KAZN: variants seen among roughly 807,000 people sequenced by gnomAD.
KAZN encodes the protein kazrin.
Under a neutral mutation model 87.4 loss-of-function variants are expected in KAZN, and 40 were observed. The ratio of observed to expected loss-of-function variants is 0.46; its 90% CI spans 0.36 to 0.60. The LOEUF is 0.60. Among genes scored for constraint, KAZN ranks in the 20% least tolerant of loss-of-function variants. The pLI, the probability that KAZN is intolerant of heterozygous loss-of-function variation, is 0.00. For missense variants in KAZN, 898 were observed against 1,073.9 expected (o/e 0.84, Z 2.29); for synonymous variants, 466 against 458.3 (o/e 1.02, Z -0.22).
intron 1 of KAZN, among the ~76,000 whole-genome samples, chr1:13,912,490 A>G (rs1639688905): frequency 6.6e-6 from 1 of 152,238 alleles, no homozygotes; most frequent in South Asian, 2.1e-4. Flanking sequence ...CTAAAGGAAG[A>G]GGCTGAGACC....
At chr1:15,103,169 A>AGGCAGGAGAATTGCTTGAACCTGG (rs1641142845) in intron 11 of KAZN, among the ~76,000 whole-genome samples, 190 bp from the exon 12 acceptor site, 1 of 152,214 alleles carries the variant, frequency 6.6e-6, no homozygotes, top group African/African-American at 2.4e-5. Context: ...CGGGAAGCTG[A>AGGCAGGAGAATTGCTTGAACCTGG]GGCAGGAGAA....
At chr1:14,074,020 C>T (rs944698722) in intron 1 of KAZN, among the ~76,000 whole-genome samples, 11 of 152,230 alleles carry the variant, frequency 7.2e-5, no homozygotes, top group East Asian at 1.9e-4. Flanking sequence ...TGGTCCAGTC[C>T]GGCCCTCAGG....
chr1:14,418,896 C>T (rs1185384983), intron 2 of KAZN, among the ~76,000 whole-genome samples: 1 of 152,222 alleles, frequency 6.6e-6, no homozygotes, highest in Non-Finnish European at 1.5e-5. Flanking sequence ...GCTTCTGCAT[C>T]TGCAGAAATG....
intron 1 of KAZN, among the ~76,000 whole-genome samples, chr1:14,860,255 G>A (rs575465696): frequency 6.6e-6 from 1 of 151,730 alleles, no homozygotes; most frequent in Non-Finnish European, 1.5e-5. Flanking sequence ...GCAGTGGCGT[G>A]ATCTCAGTTC....
At chr1:14,518,376 C>T (rs1240524582) in intron 2 of KAZN, among the ~76,000 whole-genome samples, 5 of 151,938 alleles carry the variant, frequency 3.3e-5, no homozygotes, top group Non-Finnish European at 7.4e-5. Flanking sequence ...AGGATTTCGC[C>T]ATGTTGGCCA....
chr1:15,048,640 TCGGTCCTGGGTCGTCGGTCCTGGGTCGC>T (rs1673875124), intron 4 of KAZN, among the ~76,000 whole-genome samples: 9 of 146,554 alleles, frequency 6.1e-5, no homozygotes, highest in South Asian at 2.2e-4. Flanking sequence ...TCCTGGGTCG[TCGGTCCTGGGTCGTCGGTCCTGGGTCGC>T]TGGTCCTGGG....
At position 15,006,763 on chromosome 1, in the gene KAZN, T is replaced by G. The variant is rs1573042767; in HGVS notation, c.419-27986T>G. Among the ~76,000 whole-genome samples the G allele has an allele frequency of 2.0e-5, 3 of 152,126 alleles. 1 individual carries two copies. The highest frequency in any genetic ancestry group is 2.0e-4 in the Admixed American group (3 of 15,262). Reference sequence around the variant, plus strand: ...CGCCAAGGATTGCCATTTTAGAAAGTTCCAGGGAAGGGGCTGGGCGCGGTG... The same window carrying G: ...CGCCAAGGATTGCCATTTTAGAAAGGTCCAGGGAAGGGGCTGGGCGCGGTG... On this transcript the variant is annotated intron_variant, in intron 2 of 14. Coordinates refer to ENST00000376030, the MANE Select transcript of KAZN (RefSeq NM_201628.3).
At chr1:14,088,043 G>A (rs1248649641) in intron 1 of KAZN, among the ~76,000 whole-genome samples, 7 of 147,370 alleles carry the variant, frequency 4.7e-5, no homozygotes. Context: ...ATCTTTAAAT[G>A]TTGGGTAAAA....
chr1:14,385,274 CATTA>C (rs1246836086), intron 2 of KAZN, among the ~76,000 whole-genome samples: 2 of 152,138 alleles, frequency 1.3e-5, no homozygotes, highest in African/African-American at 4.8e-5. Context: ...CTCCTGGATT[CATTA>C]ATTTTTTGAA....
chr1:14,908,228 A>G (rs1656831752), intron 1 of KAZN, among the ~76,000 whole-genome samples: 1 of 151,646 alleles, frequency 6.6e-6, no homozygotes, highest in Non-Finnish European at 1.5e-5. Context: ...CAAGACCCCT[A>G]TCTGTACAAA....
At chr1:14,792,405 A>G (rs1243600232) in intron 1 of KAZN, among the ~76,000 whole-genome samples, 2 of 152,230 alleles carry the variant, frequency 1.3e-5, no homozygotes, top group African/African-American at 2.4e-5. Flanking sequence ...CCATACAAGA[A>G]TGAAGTACTT....
At chr1:14,317,602 C>T (rs1326516244) in intron 2 of KAZN, among the ~76,000 whole-genome samples, 1 of 151,652 alleles carries the variant, frequency 6.6e-6, no homozygotes, top group African/African-American at 2.4e-5. Context: ...GTTTTTTTCC[C>T]TTTTTTTCTC....
intron 1 of KAZN, among the ~76,000 whole-genome samples, chr1:13,985,295 C>T (rs144978871): frequency 0.014 from 2,116 of 151,562 alleles, 44 homozygotes; most frequent in African/African-American, 0.048. Flanking sequence ...CATGCTGGTG[C>T]GCTGCCAACC....
intron 1 of KAZN, among the ~76,000 whole-genome samples, chr1:14,750,855 A>G (rs1183035922): frequency 6.6e-6 from 1 of 152,204 alleles, no homozygotes; most frequent in Non-Finnish European, 1.5e-5. Flanking sequence ...TCATGAGGCT[A>G]TCACCAGAAA....
chr1:15,095,001 G>T lies in KAZN; in HGVS notation c.1547+68G>T, dbSNP rs1017194084. The T allele has an allele frequency of 1.9e-5, 22 of 1,136,598 alleles. No homozygotes were observed. In the African/African-American group the frequency reaches 2.8e-4, roughly 14 times the overall value. 70.4% of individuals were successfully genotyped at this position (1,136,598 alleles called of 1,614,324 possible). ...CATCCTGAGGCCTTTGGTCACACAGGTGGGGTGAGCGGGGCACTGTGGGCT... is the reference window on the plus strand; with the variant it reads ...CATCCTGAGGCCTTTGGTCACACAGTTGGGGTGAGCGGGGCACTGTGGGCT... On this transcript the variant is annotated intron_variant, in intron 10 of 14. Coordinates refer to ENST00000376030, the MANE Select transcript of KAZN (RefSeq NM_201628.3).
At chr1:14,717,998 T>TC (rs1172934840) in intron 1 of KAZN, among the ~76,000 whole-genome samples, 2 of 152,188 alleles carry the variant, frequency 1.3e-5, no homozygotes. Flanking sequence ...GAGGGACGCT[T>TC]CCCCCATTGA....
At chr1:13,989,572 GCATT>G (rs34985580) in intron 1 of KAZN, among the ~76,000 whole-genome samples, 19,391 of 152,034 alleles carry the variant, frequency 0.13, 1,375 homozygotes, top group Middle Eastern at 0.2. Context: ...ATGGAGCAAA[GCATT>G]CATTCATTCA....
At chr1:14,441,646 G>C (rs997989333) in intron 2 of KAZN, among the ~76,000 whole-genome samples, 1 of 152,134 alleles carries the variant, frequency 6.6e-6, no homozygotes, top group Non-Finnish European at 1.5e-5. Context: ...TGTCTCAGAG[G>C]ATTAAAATTT....
At chr1:14,042,509 T>C (rs1193612373) in intron 1 of KAZN, among the ~76,000 whole-genome samples, 1 of 152,230 alleles carries the variant, frequency 6.6e-6, no homozygotes, top group East Asian at 1.9e-4. Context: ...CTTTTCCATA[T>C]TGTCTCCCTC....
Sources: allele counts gnomAD v4.1 joint callset (sites outside exome capture counted in the v4.1 genomes callset), GRCh38; gene constraint gnomAD v4.1.1; transcripts MANE v1.5; gene names NCBI Gene and HGNC (gene_info 2026-07-23, HGNC 2026-07-21).